Variants in SEMA5A observed in about 807,000 individuals in gnomAD.
The protein encoded by SEMA5A is semaphorin 5A, also known as semaphorin-5A.
SEMA5A carries 55 observed loss-of-function variants against 135.5 expected under a neutral mutation model. The observed-to-expected ratio is 0.41, with a 90% CI of 0.33 to 0.51. The LOEUF is 0.51. SEMA5A is among the 20% of genes least tolerant of loss of function. The pLI is 0.37. For synonymous variants in SEMA5A, 580 were observed against 546.5 expected, an observed-to-expected ratio of 1.06 and a Z score of -0.85; for missense variants, 1,290 against 1,419.9, an observed-to-expected ratio of 0.91 and a Z score of 1.47.
At chr5:9,134,218 T>A (rs893086053) in intron 13 of SEMA5A, among the ~76,000 whole-genome samples, 2 of 152,176 alleles carry the variant, frequency 1.3e-5, no homozygotes, top group Non-Finnish European at 2.9e-5. Context: ...TGATCTCGGT[T>A]CACCACAGCC....
intron 14 of SEMA5A, among the ~76,000 whole-genome samples, chr5:9,119,785 A>T (rs2150179404): frequency 6.6e-6 from 1 of 152,294 alleles, no homozygotes; most frequent in East Asian, 1.9e-4. Flanking sequence ...TTAAATTCAG[A>T]TTATTGGCTA....
At chr5:9,409,472 C>A (rs1004230149) in intron 2 of SEMA5A, among the ~76,000 whole-genome samples, 2 of 152,128 alleles carry the variant, frequency 1.3e-5, no homozygotes. Context: ...AAGCCAGAAC[C>A]AAAACTCCAC....
intron 11 of SEMA5A, among the ~76,000 whole-genome samples, chr5:9,174,678 A>G (rs1302180861): frequency 2.6e-5 from 4 of 152,220 alleles, no homozygotes; most frequent in African/African-American, 9.6e-5. Flanking sequence ...AACAAGGATG[A>G]CAGGATGTGC....
At chr5:9,329,319 G>A (rs952908647) in intron 4 of SEMA5A, among the ~76,000 whole-genome samples, 3 of 152,268 alleles carry the variant, frequency 2.0e-5, no homozygotes, top group South Asian at 2.1e-4. Flanking sequence ...CCAACTACTC[G>A]TCTCTGCAGT....
intron 1 of SEMA5A, among the ~76,000 whole-genome samples, chr5:9,473,140 T>TAA (rs61636060): frequency 0.53 from 76,537 of 144,774 alleles, 20,879 homozygotes; most frequent in African/African-American, 0.59. Flanking sequence ...TATATATATA[T>TAA]AATGCCCACA....
intron 5 of SEMA5A, among the ~76,000 whole-genome samples, chr5:9,310,730 A>C (rs539919866): frequency 6.6e-6 from 1 of 151,024 alleles, no homozygotes; most frequent in African/African-American, 2.4e-5. Context: ...AATAAAAGGA[A>C]GTAATTTAAA....
rs375405929 is a variant in SEMA5A, at chr5:9,199,906, G to C, written c.932+2049C>G. On this transcript the variant is annotated intron_variant, in intron 9 of 22. Coordinates refer to ENST00000382496, the MANE Select transcript of SEMA5A (RefSeq NM_003966.3). The stretch of plus-strand genomic sequence containing the variant: ...CACAGTCGTGCTAGGAACAGAAGGA[G>C]TCGGAATGGTTATCTTTTCCCCATT... Among the ~76,000 whole-genome samples, 16 of 152,280 alleles carry C rather than the reference G, an allele frequency of 1.1e-4. No individual in the cohort carries two copies. The East Asian group carries it at 3.1e-3, about 29-fold the overall frequency.
intron 16 of SEMA5A, 131 bp downstream of exon 16, chr5:9,108,009 G>A (rs533066653): frequency 8.6e-7 from 1 of 1,169,536 alleles, no homozygotes; most frequent in African/African-American, 1.5e-5. Flanking sequence ...CCAAATTTGT[G>A]CAGAGCCTCT....
intron 12 of SEMA5A, among the ~76,000 whole-genome samples, chr5:9,140,549 C>G (rs1018231715): frequency 2.0e-4 from 31 of 152,204 alleles, no homozygotes; most frequent in Non-Finnish European, 1.6e-4. Context: ...TCCTTCTGCT[C>G]CCTGCTGTGA....
chr5:9,178,591 A>T (rs1219361632), intron 11 of SEMA5A, among the ~76,000 whole-genome samples: 1 of 152,092 alleles, frequency 6.6e-6, no homozygotes, highest in Non-Finnish European at 1.5e-5. Context: ...CGGCCTCCTA[A>T]GTGCTGGGAT....
At chr5:9,420,088 T>A (rs1247364248) in intron 2 of SEMA5A, among the ~76,000 whole-genome samples, 2 of 152,112 alleles carry the variant, frequency 1.3e-5, no homozygotes, top group East Asian at 3.9e-4. Flanking sequence ...ATTTCTCCAC[T>A]GGTAACTTGC....
chr5:9,342,224 CAACA>C lies in SEMA5A; in HGVS notation c.125-4416_125-4413del, dbSNP rs777005051. Among the ~76,000 whole-genome samples the C allele has an allele frequency of 9.2e-5, 14 of 152,156 alleles. No homozygotes were observed. In the South Asian group the frequency reaches 1.5e-3, roughly 16 times the overall value. On this transcript the variant is annotated intron_variant, in intron 3 of 22. Coordinates refer to ENST00000382496, the MANE Select transcript of SEMA5A (RefSeq NM_003966.3). ...TGTTTGTAAACCAAAACAACAACAG[CAACA>C]AACAAACAATAAAGGGCAGCTCTTG...
At chr5:9,140,768 A>C (rs927649382) in intron 12 of SEMA5A, among the ~76,000 whole-genome samples, 4 of 152,238 alleles carry the variant, frequency 2.6e-5, no homozygotes, top group Admixed American at 6.5e-5. Context: ...CTACACTTAG[A>C]GATCATTCAA....
intron 5 of SEMA5A, among the ~76,000 whole-genome samples, chr5:9,266,661 C>G (rs977433065): frequency 2.0e-5 from 3 of 152,164 alleles, no homozygotes; most frequent in Admixed American, 2.0e-4. Flanking sequence ...TAACTATTCT[C>G]TTTTGATGGG....
In SEMA5A at chr5:9,404,066, C is replaced by T. The variant is rs559625051; in HGVS notation, c.-77-24043G>A. On this transcript the variant is annotated intron_variant, in intron 2 of 22. Coordinates refer to ENST00000382496, the MANE Select transcript of SEMA5A (RefSeq NM_003966.3). ...TCTCCCGCCTCAGTCTCCCCAGTAG[C>T]GGGGATTACAGATGCATGCCACCAT... Among the ~76,000 whole-genome samples the T allele has an allele frequency of 9.2e-5, 14 of 152,260 alleles. No homozygotes were observed. The South Asian group carries it at 2.7e-3, about 29-fold the overall frequency.
intron 5 of SEMA5A, among the ~76,000 whole-genome samples, chr5:9,259,173 T>C (rs1218801929): frequency 6.6e-6 from 1 of 152,220 alleles, no homozygotes; most frequent in Non-Finnish European, 1.5e-5. Flanking sequence ...TCTTTTGCTA[T>C]CTGCCTTTCA....
intron 1 of SEMA5A, among the ~76,000 whole-genome samples, chr5:9,479,647 G>T (rs1415291910): frequency 6.6e-6 from 1 of 152,222 alleles, no homozygotes; most frequent in East Asian, 1.9e-4. Context: ...ATGTGGGTAA[G>T]ATTTGTGGTA....
intron 2 of SEMA5A, among the ~76,000 whole-genome samples, chr5:9,399,120 T>A (rs1182652177): frequency 6.6e-6 from 1 of 152,064 alleles, no homozygotes; most frequent in Non-Finnish European, 1.5e-5. Context: ...AAAGAAAATA[T>A]CTGTTCACAT....
chr5:9,263,530 A>G (rs115703788), intron 5 of SEMA5A, among the ~76,000 whole-genome samples: 107 of 152,248 alleles, frequency 7.0e-4, no homozygotes, highest in Non-Finnish European at 1.2e-3. Context: ...CACTGCCCCA[A>G]TGCTCGTGGA....
Sources: gnomAD v4.1 joint callset for allele counts (sites outside exome capture counted in the v4.1 genomes callset) on GRCh38, gnomAD v4.1.1 for gene constraint, MANE v1.5 for transcripts, NCBI Gene and HGNC (gene_info 2026-07-23, HGNC 2026-07-21) for gene names.